The following SDK1 variants were observed in gnomAD, a reference collection of about 807,000 sequenced individuals.
SDK1 encodes protein sidekick-1.
Under a neutral mutation model 245.5 loss-of-function variants are expected in SDK1, and 157 were observed. That is an observed-to-expected ratio of 0.64 (90% confidence interval 0.56 to 0.73). The LOEUF is 0.73. Ranked by LOEUF, SDK1 falls within the 30% of genes least tolerant of loss-of-function variation. The pLI is 0.00. For missense variants in SDK1, 3,583 were observed against 3,002.3 expected (o/e 1.19, Z -4.52); for synonymous variants, 1,647 against 1,278.5 (o/e 1.29, Z -6.15).
intron 35 of SDK1, among the ~76,000 whole-genome samples, chr7:4,187,146 C>T (rs1172967607): frequency 1.3e-5 from 2 of 152,114 alleles, no homozygotes; most frequent in African/African-American, 4.8e-5. Context: ...CTTGCTGCTA[C>T]ATGAGGCACG....
At chr7:3,792,898 T>C (rs1440037775) in intron 4 of SDK1, among the ~76,000 whole-genome samples, 5 of 152,236 alleles carry the variant, frequency 3.3e-5, no homozygotes, top group African/African-American at 1.2e-4. Flanking sequence ...ACTGGCGTTT[T>C]AACATAGAAA....
intron 44 of SDK1, among the ~76,000 whole-genome samples, chr7:4,247,218 C>T (rs1380716954): frequency 6.6e-6 from 1 of 152,140 alleles, no homozygotes; most frequent in African/African-American, 2.4e-5. Context: ...GGGGCTCTAT[C>T]GAATGGCTTC....
intron 17 of SDK1, among the ~76,000 whole-genome samples, chr7:4,043,679 G>A (rs540604470): frequency 3.9e-5 from 6 of 152,300 alleles, no homozygotes; most frequent in South Asian, 2.1e-4. Flanking sequence ...AGGTACAGAC[G>A]TCCTCTTGAA....
chr7:3,936,510 G>A lies in SDK1; in HGVS notation c.848-14413G>A, dbSNP rs977225840. On this transcript the variant is annotated intron_variant, in intron 5 of 44. Coordinates refer to ENST00000404826, the MANE Select transcript of SDK1 (RefSeq NM_152744.4). ...TGAGGCAGGAGAAACACGTGAACCC[G>A]TGAGGTGGAGGTTGCAATGACCCTA... is the stretch of plus-strand genomic sequence containing the variant. Among the ~76,000 whole-genome samples, 11 of 151,850 alleles carry A rather than the reference G, an allele frequency of 7.2e-5. No individual in the cohort carries two copies. In the South Asian group the frequency reaches 1.2e-3, roughly 17 times the overall value.
At chr7:4,121,385 G>C (rs193084038) in intron 25 of SDK1, among the ~76,000 whole-genome samples, 1 of 152,042 alleles carries the variant, frequency 6.6e-6, no homozygotes, top group African/African-American at 2.4e-5. Flanking sequence ...GGCAATTTCC[G>C]CCATGCTGTT....
chr7:3,372,645 T>A (rs1781256151), intron 1 of SDK1, among the ~76,000 whole-genome samples: 1 of 152,126 alleles, frequency 6.6e-6, no homozygotes, highest in African/African-American at 2.4e-5. Flanking sequence ...CTGGGTTGAT[T>A]GTTGTGTGAG....
chr7:4,241,754 C>T (rs1373773130), intron 42 of SDK1, 39 bp from the exon 43 acceptor site: 2 of 1,612,648 alleles, frequency 1.2e-6, no homozygotes, highest in Admixed American at 1.7e-5. Flanking sequence ...GTGGCCACAC[C>T]AGTAACACGT....
At chr7:4,123,202 A>G (rs952524930) in intron 25 of SDK1, among the ~76,000 whole-genome samples, 5 of 152,370 alleles carry the variant, frequency 3.3e-5, no homozygotes, top group African/African-American at 1.2e-4. Flanking sequence ...TTGTGTTGCT[A>G]TGACAATGGC....
Position 3,526,320 on chromosome 7 carries a change from T to A in SDK1, c.299-92760T>A, listed in dbSNP as rs541735692. Reference sequence around the variant, plus strand: ...TACATATAATTTACCATGGATTTTTTAATTAGGATACCTATTTTATTGTAA... The same window carrying A: ...TACATATAATTTACCATGGATTTTTAAATTAGGATACCTATTTTATTGTAA... On this transcript the variant is annotated intron_variant, in intron 1 of 44. Coordinates refer to ENST00000404826, the MANE Select transcript of SDK1 (RefSeq NM_152744.4). Among the ~76,000 whole-genome samples the A allele has an allele frequency of 2.4e-4, 36 of 152,324 alleles. 1 individual carries two copies. In the South Asian group the frequency reaches 6.2e-3, roughly 26 times the overall value.
chr7:3,475,988 CTTA>C (rs1781337424), intron 1 of SDK1: 1 of 152,608 alleles, frequency 6.6e-6, no homozygotes, highest in African/African-American at 2.4e-5. Context: ...ATACTTCCTG[CTTA>C]TTATCTTTTG....
intron 1 of SDK1, among the ~76,000 whole-genome samples, chr7:3,583,867 G>A (rs1780597531): frequency 6.6e-6 from 1 of 152,096 alleles, no homozygotes; most frequent in Non-Finnish European, 1.5e-5. Flanking sequence ...GGAACAATAA[G>A]AGCAGAAGAA....
intron 5 of SDK1, among the ~76,000 whole-genome samples, chr7:3,949,301 C>T (rs1780703763): frequency 6.6e-6 from 1 of 152,200 alleles, no homozygotes; most frequent in Non-Finnish European, 1.5e-5. Flanking sequence ...CTGCATCAGG[C>T]TTCTGTTTTT....
chr7:4,029,096 G>A (rs1249321634), intron 17 of SDK1, among the ~76,000 whole-genome samples: 9 of 124,686 alleles, frequency 7.2e-5, no homozygotes, highest in South Asian at 5.6e-4. Flanking sequence ...GACCTTTTCC[G>A]AGGTGGGTGG....
chr7:3,883,036 G>A (rs1249579891), intron 5 of SDK1, among the ~76,000 whole-genome samples: 1 of 152,168 alleles, frequency 6.6e-6, no homozygotes, highest in Non-Finnish European at 1.5e-5. Flanking sequence ...TGGAACATAG[G>A]AACTGCCACA....
At chr7:3,531,773 A>G (rs931343788) in intron 1 of SDK1, among the ~76,000 whole-genome samples, 8 of 152,352 alleles carry the variant, frequency 5.3e-5, no homozygotes, top group African/African-American at 1.9e-4. Flanking sequence ...ACTATTTATG[A>G]TGCTTATCTG....
chr7:3,885,279 G>A lies in SDK1; in HGVS notation c.847+63696G>A, dbSNP rs373189725. ...CTAGGCCGGCTGCTTTGGGAATAAC[G>A]TCTGTAAACTGACTGACGCCCGGTG... On this transcript the variant is annotated intron_variant, in intron 5 of 44. Transcript: ENST00000404826. Among the ~76,000 whole-genome samples the A allele has an allele frequency of 1.9e-3, 294 of 152,242 alleles. 5 individuals carry two copies. In the South Asian group the frequency reaches 0.029, roughly 15 times the overall value.
intron 25 of SDK1, among the ~76,000 whole-genome samples, chr7:4,121,780 CTTTGT>C (rs957004965): frequency 1.1e-4 from 17 of 152,086 alleles, no homozygotes; most frequent in African/African-American, 2.9e-4. Flanking sequence ...GCAACTGAAG[CTTTGT>C]TTTGTCAGTT....
intron 4 of SDK1, among the ~76,000 whole-genome samples, chr7:3,708,233 C>T (rs927989755): frequency 1.3e-5 from 2 of 152,150 alleles, no homozygotes; most frequent in African/African-American, 2.4e-5. Flanking sequence ...AAGGACAGTA[C>T]CAGGAGGGGT....
chr7:3,546,470 C>T (rs1378925391), intron 1 of SDK1, among the ~76,000 whole-genome samples: 17 of 152,316 alleles, frequency 1.1e-4, no homozygotes, highest in Non-Finnish European at 5.9e-5. Flanking sequence ...CTTACAATAT[C>T]CTACAGATTG....
Sources: allele counts gnomAD v4.1 joint callset (sites outside exome capture counted in the v4.1 genomes callset), GRCh38; gene constraint gnomAD v4.1.1; transcripts MANE v1.5; gene names NCBI Gene and HGNC (gene_info 2026-07-23, HGNC 2026-07-21).